Variants in PPFIA2 observed in about 807,000 individuals in gnomAD.
PPFIA2 encodes the protein liprin-alpha-2.
In PPFIA2, 46 loss-of-function variants were observed where a neutral mutation model predicts 175.5. The observed-to-expected ratio is 0.26, with a 90% CI of 0.21 to 0.34. PPFIA2 has a LOEUF of 0.34. Among genes scored for constraint, PPFIA2 ranks in the 10% least tolerant of loss-of-function variants. The pLI is 1.00. For missense variants in PPFIA2, 1,179 were observed against 1,506.1 expected (o/e 0.78, Z 3.60); for synonymous variants, 568 against 511.4 (o/e 1.11, Z -1.49).
intron 3 of PPFIA2, among the ~76,000 whole-genome samples, chr12:81,708,981 A>C (rs1428098504): frequency 2.0e-5 from 3 of 152,196 alleles, no homozygotes; most frequent in Non-Finnish European, 4.4e-5. Flanking sequence ...TTACTGTAAA[A>C]GTGAAGCTCT....
At chr12:81,669,711 T>C (rs1224294392) in intron 4 of PPFIA2, among the ~76,000 whole-genome samples, 1 of 151,820 alleles carries the variant, frequency 6.6e-6, no homozygotes, top group Non-Finnish European at 1.5e-5. Context: ...TAAACTTGTC[T>C]GGGTAAAGGG....
intron 17 of PPFIA2, among the ~76,000 whole-genome samples, chr12:81,350,749 T>A (rs1403088138): frequency 1.3e-5 from 2 of 152,086 alleles, no homozygotes; most frequent in Non-Finnish European, 2.9e-5. Flanking sequence ...TGTAGTTAGG[T>A]TGGTATATGG....
chr12:81,619,286 T>C (rs1242668410), intron 4 of PPFIA2, among the ~76,000 whole-genome samples: 1 of 152,224 alleles, frequency 6.6e-6, no homozygotes, highest in Non-Finnish European at 1.5e-5. Flanking sequence ...GAAATAGATC[T>C]ATAAAGTGTG....
At chr12:81,302,620 G>A (rs1921053) in intron 22 of PPFIA2, 403,786 of 432,778 alleles carry the variant, frequency 0.93, 190,661 homozygotes, top group South Asian at 0.98. Flanking sequence ...GTGGAAAAAC[G>A]GATCAGATGG....
intron 4 of PPFIA2, among the ~76,000 whole-genome samples, chr12:81,564,708 G>A (rs991889806): frequency 3.9e-5 from 6 of 152,056 alleles, no homozygotes; most frequent in Non-Finnish European, 5.9e-5. Flanking sequence ...GACCATATGC[G>A]GAGAACCAAG....
chr12:81,573,903 T>G (rs1314984755), intron 4 of PPFIA2, among the ~76,000 whole-genome samples: 1 of 151,878 alleles, frequency 6.6e-6, no homozygotes, highest in Admixed American at 6.6e-5. Flanking sequence ...ATATCATAAT[T>G]GAAAGAAAAA....
At position 81,259,486 on chromosome 12, in the gene PPFIA2, T is replaced by C. The variant is rs1238692254; in HGVS notation, c.*208A>G. 2 of 714,562 alleles carry C rather than the reference T, an allele frequency of 2.8e-6. No homozygotes were observed. The highest frequency in any genetic ancestry group is 1.8e-5 in the African/African-American group (1 of 56,080). 44.3% of individuals were successfully genotyped at this position (714,562 alleles called of 1,614,324 possible). A position where few individuals can be genotyped will look rare whatever the true frequency, so the allele number is the denominator to read the frequency against. ...AAATGACTTAAGCATTTTATTACAA[T>C]TTGTAGTAAACTAATCAAATGTAAT... is the stretch of plus-strand genomic sequence containing the variant. On this transcript the variant is annotated 3_prime_UTR_variant, in exon 33 of 33. Coordinates refer to ENST00000549396, the MANE Select transcript of PPFIA2 (RefSeq NM_003625.5).
At chr12:81,421,613 G>C (rs561860852) in intron 7 of PPFIA2, among the ~76,000 whole-genome samples, 69 of 151,986 alleles carry the variant, frequency 4.5e-4, no homozygotes, top group African/African-American at 1.7e-3. Context: ...GACAGTAAGA[G>C]AGCAGAGAGA....
rs759528035 is a variant in PPFIA2, at chr12:81,258,436, A to C, written c.*1258T>G. On this transcript the variant is annotated 3_prime_UTR_variant, in exon 33 of 33. Coordinates refer to ENST00000549396, the MANE Select transcript of PPFIA2 (RefSeq NM_003625.5). Reference sequence around the variant, plus strand: ...AATGACAGGTCTTGCGCTTAATAAGATCAAGCAGCAGAAAATCAGCAGTTA... The same window carrying C: ...AATGACAGGTCTTGCGCTTAATAAGCTCAAGCAGCAGAAAATCAGCAGTTA... 1.3e-5 allele frequency: 2 copies of C among 152,178 alleles called. No homozygotes were observed. The highest frequency in any genetic ancestry group is 2.9e-5 in the Non-Finnish European group (2 of 68,022). The allele number at this position is 152,178 out of a possible 1,614,324, so 9.4% of individuals were successfully genotyped here.
chr12:81,280,097 C>A (rs1272344302), intron 27 of PPFIA2, among the ~76,000 whole-genome samples: 2 of 152,174 alleles, frequency 1.3e-5, no homozygotes, highest in East Asian at 1.9e-4. Context: ...CAATTTGATA[C>A]CCACAAATAA....
intron 21 of PPFIA2, among the ~76,000 whole-genome samples, chr12:81,330,918 T>G (rs2055983422): frequency 6.6e-6 from 1 of 152,238 alleles, no homozygotes. Flanking sequence ...ATGTAACAAA[T>G]ACAGTCATAA....
intron 4 of PPFIA2, among the ~76,000 whole-genome samples, chr12:81,563,828 A>G (rs900845163): frequency 1.3e-5 from 2 of 152,242 alleles, no homozygotes; most frequent in African/African-American, 4.8e-5. Flanking sequence ...TAAGTTATAA[A>G]GCTGAGAATC....
intron 4 of PPFIA2, among the ~76,000 whole-genome samples, chr12:81,458,963 T>G (rs1040012247): frequency 5.3e-5 from 8 of 152,086 alleles, no homozygotes; most frequent in Non-Finnish European, 8.8e-5. Context: ...TAACCTAACC[T>G]CCAGGGAGGC....
chr12:81,338,814 G>C (rs1375539625), intron 21 of PPFIA2, among the ~76,000 whole-genome samples: 4 of 151,974 alleles, frequency 2.6e-5, no homozygotes, highest in Admixed American at 2.6e-4. Flanking sequence ...TTGGCACCAC[G>C]ATGAATATCA....
intron 14 of PPFIA2, 71 bp downstream of exon 14, chr12:81,367,037 A>C: frequency 1.5e-6 from 2 of 1,372,724 alleles, no homozygotes; most frequent in Non-Finnish European, 1.9e-6. Flanking sequence ...TTTATTTTAC[A>C]ACAAAACATT....
chr12:81,496,989 A>G (rs992362500), intron 4 of PPFIA2, among the ~76,000 whole-genome samples: 5 of 152,202 alleles, frequency 3.3e-5, no homozygotes, highest in African/African-American at 1.2e-4. Context: ...CTGAAGCTCC[A>G]TCTACCTGGA....
rs546596280 is a variant in PPFIA2, at chr12:81,560,631, T to A, written c.304-102765A>T. Among the ~76,000 whole-genome samples the A allele has an allele frequency of 8.7e-4, 132 of 152,274 alleles. 1 individual carries two copies. Among genetic ancestry groups the A allele is most frequent in the African/African-American group, 3.1e-3 (127 of 41,554 alleles). On this transcript the variant is annotated intron_variant, in intron 4 of 32. Coordinates refer to ENST00000549396, the MANE Select transcript of PPFIA2 (RefSeq NM_003625.5). ...AGATCTTAAAATTTTGGTCTAAATA[T>A]TTTAACTGAGCTTAAATGTGTTCAA...
intron 3 of PPFIA2, among the ~76,000 whole-genome samples, chr12:81,696,250 CAAT>C (rs1393178113): frequency 6.6e-6 from 1 of 152,128 alleles, no homozygotes; most frequent in Non-Finnish European, 1.5e-5. Flanking sequence ...GCACAAATAG[CAAT>C]AGTAGCAGCA....
intron 4 of PPFIA2, among the ~76,000 whole-genome samples, chr12:81,561,951 A>G (rs2070197968): frequency 6.6e-6 from 1 of 152,224 alleles, no homozygotes; most frequent in Non-Finnish European, 1.5e-5. Flanking sequence ...TTCTAACTAG[A>G]CTTTCTTTTA....
Sources: gnomAD v4.1 joint callset for allele counts (sites outside exome capture counted in the v4.1 genomes callset) on GRCh38, gnomAD v4.1.1 for gene constraint, MANE v1.5 for transcripts, NCBI Gene and HGNC (gene_info 2026-07-23, HGNC 2026-07-21) for gene names.